SPG11: variants seen among roughly 807,000 people sequenced by gnomAD.
SPG11 encodes the protein SPG11 vesicle trafficking associated, spatacsin.
A neutral mutation model predicts 274.0 loss-of-function variants in SPG11; 222 were observed. The observed-to-expected ratio is 0.81, with a 90% CI of 0.73 to 0.91. The LOEUF (loss-of-function observed/expected upper bound fraction) is 0.91, where lower values mean the gene tolerates loss of function less well. Ranked by LOEUF, SPG11 falls within the 40% of genes least tolerant of loss-of-function variation. The pLI is 0.00. For synonymous variants in SPG11, 1,144 were observed against 1,039.7 expected (o/e 1.10, Z -1.93); for missense variants, 3,114 against 2,872.7 (o/e 1.08, Z -1.92).
intron 28 of SPG11, among the ~76,000 whole-genome samples, chr15:44,586,554 T>A (rs1431342467): frequency 6.6e-6 from 1 of 151,822 alleles, no homozygotes; most frequent in African/African-American, 2.4e-5. Context: ...TGAGGCAGGA[T>A]AATCACTTGA....
chr15:44,658,945 C>CCT (rs2085020012), intron 3 of SPG11, 134 bp downstream of exon 3: 1 of 766,672 alleles, frequency 1.3e-6, no homozygotes, highest in African/African-American at 1.8e-5. Context: ...GGATCTTTTT[C>CCT]CATGAAAAGT....
intron 15 of SPG11, among the ~76,000 whole-genome samples, chr15:44,618,842 G>A (rs577640718): frequency 6.6e-5 from 10 of 152,000 alleles, no homozygotes; most frequent in South Asian, 2.1e-4. Flanking sequence ...TTAAGTTAAC[G>A]GAGTTTGCAT....
intron 8 of SPG11, among the ~76,000 whole-genome samples, chr15:44,631,724 T>C (rs956737509): frequency 6.7e-6 from 1 of 150,132 alleles, no homozygotes; most frequent in African/African-American, 2.5e-5. Context: ...AGGCTGGTCA[T>C]GAACTCTTGG....
At chr15:44,573,813 G>C in intron 31 of SPG11, 68 bp from the exon 32 acceptor site, 2 of 1,437,668 alleles carry the variant, frequency 1.4e-6, no homozygotes, top group Non-Finnish European at 1.9e-6. Context: ...AGCCCTTTCT[G>C]AAATCTGATG....
chr15:44,615,366 T>A lies in SPG11; in HGVS notation c.3035A>T (p.Tyr1012Phe). The A allele has an allele frequency of 6.2e-7, 1 of 1,613,454 alleles. No homozygotes were observed. The highest frequency in any genetic ancestry group is 2.2e-5 in the East Asian group (1 of 44,862). Residue 1012 changes from tyrosine (Y) to phenylalanine (F), a missense_variant, in exon 16 of 40, where the codon TAC (tyrosine) becomes TTC (phenylalanine). Physicochemically the swap from Tyr to Phe is conservative, Grantham distance 22. Coordinates refer to ENST00000261866, the MANE Select transcript of SPG11 (RefSeq NM_025137.4). Reference protein sequence around the residue: ...QHLLYVYLDCYKLSPENCPFL... With the variant: ...QHLLYVYLDCFKLSPENCPFL... ...CAAATGCATTCTCAGTACTCACTTG[T>A]AACAGTCAAGGTAGACATAAAGAAG...
At chr15:44,657,057 T>C (rs370733733) in intron 4 of SPG11, 38 bp downstream of exon 4, 11 of 1,578,300 alleles carry the variant, frequency 7.0e-6, no homozygotes, top group Non-Finnish European at 9.6e-6. Flanking sequence ...TCAGTCTAAC[T>C]ATTTACCTCA....
intron 31 of SPG11, among the ~76,000 whole-genome samples, chr15:44,574,145 A>G (rs982875556): frequency 1.3e-5 from 2 of 152,200 alleles, no homozygotes; most frequent in African/African-American, 2.4e-5. Context: ...CTGGGGTTAC[A>G]GGCATGTGCC....
intron 4 of SPG11, 95 bp from the exon 5 acceptor site, chr15:44,652,361 G>A (rs1161268298): frequency 9.0e-6 from 12 of 1,327,334 alleles, no homozygotes; most frequent in African/African-American, 1.5e-5. Flanking sequence ...AGATTACAGA[G>A]AAGGAATAGT....
chr15:44,659,416 G>C, intron 2 of SPG11, 113 bp from the exon 3 acceptor site: 4 of 935,494 alleles, frequency 4.3e-6, no homozygotes, highest in Non-Finnish European at 6.7e-6. Context: ...ACTGGACTTA[G>C]TCTAACTTTA....
intron 26 of SPG11, among the ~76,000 whole-genome samples, chr15:44,593,738 CATCACTTCATAAT>C (rs909218304): frequency 2.0e-5 from 3 of 150,800 alleles, no homozygotes; most frequent in African/African-American, 7.3e-5. Flanking sequence ...ATGAGAGCAA[CATCACTTCATAAT>C]ATCTTTTTTT....
intron 24 of SPG11, 77 bp from the exon 25 acceptor site, chr15:44,596,432 A>G (rs2083041166): frequency 1.3e-6 from 2 of 1,533,372 alleles, no homozygotes; most frequent in Non-Finnish European, 8.9e-7. Flanking sequence ...AGAGAAAAGC[A>G]TAGACAAAAT....
chr15:44,584,647 T>C, intron 29 of SPG11, 89 bp from the exon 30 acceptor site: 1 of 1,473,388 alleles, frequency 6.8e-7, no homozygotes, highest in Non-Finnish European at 9.3e-7. Context: ...CATACTTGTT[T>C]GGACAGGGTC....
chr15:44,631,802 GCTTT>G (rs1567176808), intron 8 of SPG11, among the ~76,000 whole-genome samples: 1 of 133,644 alleles, frequency 7.5e-6, no homozygotes, highest in Non-Finnish European at 1.6e-5. Flanking sequence ...ACTGCACCCA[GCTTT>G]TTTTTTTTTT....
intron 35 of SPG11, 42 bp downstream of exon 35, chr15:44,569,356 C>A: frequency 7.3e-7 from 1 of 1,361,556 alleles, no homozygotes; most frequent in Non-Finnish European, 1.0e-6. Flanking sequence ...CCTGAATTAT[C>A]AGCAGTACAC....
intron 5 of SPG11, 64 bp downstream of exon 5, chr15:44,652,065 G>A (rs1343259068): frequency 1.9e-5 from 31 of 1,593,194 alleles, no homozygotes; most frequent in African/African-American, 2.7e-5. Flanking sequence ...TTTAATGAAA[G>A]GGTACAGCGT....
intron 15 of SPG11, among the ~76,000 whole-genome samples, chr15:44,616,132 T>C (rs2083587825): frequency 6.6e-6 from 1 of 152,060 alleles, no homozygotes; most frequent in Non-Finnish European, 1.5e-5. Flanking sequence ...CTTGGTATAT[T>C]CCTTCCCAAC....
chr15:44,574,533 CTT>C (rs912785745), intron 31 of SPG11, among the ~76,000 whole-genome samples: 11 of 152,272 alleles, frequency 7.2e-5, no homozygotes, highest in African/African-American at 2.6e-4. Flanking sequence ...TCCTCTGGCT[CTT>C]GTCTTTATAG....
intron 35 of SPG11, among the ~76,000 whole-genome samples, chr15:44,567,908 G>A (rs2082342357): frequency 6.6e-6 from 1 of 152,198 alleles, no homozygotes; most frequent in South Asian, 2.1e-4. Flanking sequence ...TAAGATGAAT[G>A]TAACAGGGAT....
chr15:44,602,084 T>C (rs1344443357), intron 20 of SPG11, among the ~76,000 whole-genome samples: 4 of 152,266 alleles, frequency 2.6e-5, no homozygotes, highest in African/African-American at 9.6e-5. Flanking sequence ...GCAACTTTCT[T>C]AGATTTGTTT....
Sources: gnomAD v4.1 joint callset for allele counts (sites outside exome capture counted in the v4.1 genomes callset) on GRCh38, gnomAD v4.1.1 for gene constraint, MANE v1.5 for transcripts, NCBI Gene and HGNC (gene_info 2026-07-23, HGNC 2026-07-21) for gene names.